LRRFIP2: variants seen among roughly 807,000 people sequenced by gnomAD.
LRRFIP2 encodes LRR binding FLII interacting protein 2.
A neutral mutation model predicts 125.9 loss-of-function variants in LRRFIP2; 109 were observed. The ratio of observed to expected loss-of-function variants is 0.87; its 90% CI spans 0.74 to 1.01. The LOEUF is 1.01. Among genes scored for constraint, LRRFIP2 ranks in the 50% least tolerant of loss-of-function variants. LRRFIP2 has a pLI of 0.00. For missense variants in LRRFIP2, 850 were observed against 862.3 expected (o/e 0.99, Z 0.18); for synonymous variants, 291 against 293.1 (o/e 0.99, Z 0.07).
intron 6 of LRRFIP2, 45 bp downstream of exon 6, chr3:37,121,447 C>G: frequency 1.3e-6 from 2 of 1,571,508 alleles, no homozygotes; most frequent in South Asian, 1.1e-5. Flanking sequence ...TTGAAGAAAG[C>G]TCACACGTAA....
Position 37,121,687 on chromosome 3 carries a change from T to A in LRRFIP2, c.233A>T (p.Asp78Val). The change falls in exon 5 of 28, where the codon GAT becomes GTT. Residue 78 changes from aspartate to valine, a missense_variant. Physicochemically the swap from Asp to Val is radical, Grantham distance 152. Transcript: ENST00000336686. ...GTGGGAATACCTGGCCCTTTCCGAA[T>A]CTTCCTGGGAAAGGAGAAAGTACAT... ...KWGQIQKWLEDSERARYSHRS... is the reference protein window; with the variant it reads ...KWGQIQKWLEVSERARYSHRS... The A allele has an allele frequency of 1.9e-6, 3 of 1,614,000 alleles. No homozygotes were observed. The highest frequency in any genetic ancestry group is 2.5e-6 in the Non-Finnish European group (3 of 1,179,934).
In LRRFIP2 at chr3:37,091,483, C is replaced by A; in HGVS notation, c.1091G>T (p.Gly364Val). Residue 364 changes from glycine (G) to valine (V), a missense_variant, in exon 18 of 28, where the codon GGG becomes GTG. Gly to Val is a moderately radical substitution (Grantham distance 109). Coordinates refer to ENST00000336686, the MANE Select transcript of LRRFIP2 (RefSeq NM_006309.4). ...CCCTGATACCTTTAGTTCTTTAAGC[C>A]CCTGCATGTATCTCCCTTCTACATC... is the stretch of plus-strand genomic sequence containing the variant. Reference protein sequence around the residue: ...IQDVEGRYMQGLKELKESLSE... With the variant: ...IQDVEGRYMQVLKELKESLSE... 1 of 1,611,854 alleles carries A rather than the reference C, an allele frequency of 6.2e-7. No homozygotes were observed. The highest frequency in any genetic ancestry group is 8.5e-7 in the Non-Finnish European group (1 of 1,178,964).
At chr3:37,067,684 G>A (rs996910060) in intron 21 of LRRFIP2, 1 of 152,112 alleles carries the variant, frequency 6.6e-6, no homozygotes, top group Non-Finnish European at 1.5e-5. Context: ...TATATGGCAG[G>A]CACTATTTTA....
intron 6 of LRRFIP2, among the ~76,000 whole-genome samples, chr3:37,120,377 T>C (rs1201973180): frequency 6.6e-6 from 1 of 152,164 alleles, no homozygotes; most frequent in African/African-American, 2.4e-5. Context: ...CGTGCTGGGA[T>C]TACAGGTGTG....
intron 18 of LRRFIP2, among the ~76,000 whole-genome samples, chr3:37,085,104 G>A (rs982091261): frequency 6.6e-6 from 1 of 152,150 alleles, no homozygotes; most frequent in Non-Finnish European, 1.5e-5. Context: ...AATTAACTCA[G>A]CATAAGCCAT....
intron 19 of LRRFIP2, among the ~76,000 whole-genome samples, chr3:37,081,820 G>A (rs2149027802): frequency 6.7e-6 from 1 of 149,900 alleles, no homozygotes; most frequent in Admixed American, 6.7e-5. Context: ...CCTGGAGACA[G>A]AGGCTGCAGT....
upstream of LRRFIP2, among the ~76,000 whole-genome samples, chr3:37,175,563 C>T (rs892507398): frequency 6.6e-6 from 1 of 152,144 alleles, no homozygotes; most frequent in African/African-American, 2.4e-5. Context: ...GTGTCAATAA[C>T]GCCTCGTATT....
chr3:37,148,513 G>A (rs2095918348), intron 2 of LRRFIP2, among the ~76,000 whole-genome samples: 1 of 152,178 alleles, frequency 6.6e-6, no homozygotes, highest in Admixed American at 6.5e-5. Context: ...ATCAGAGCAT[G>A]CCAGCTCCCA....
At chr3:37,167,196 CCAAAA>C (rs1224579698) in intron 1 of LRRFIP2, among the ~76,000 whole-genome samples, 9 of 55,832 alleles carry the variant, frequency 1.6e-4, no homozygotes, top group South Asian at 3.9e-4. Flanking sequence ...AATCTTGTCT[CCAAAA>C]AAAAAAAAAA....
chr3:37,132,136 G>GTT (rs575489212), intron 2 of LRRFIP2, among the ~76,000 whole-genome samples: 1 of 144,948 alleles, frequency 6.9e-6, no homozygotes. Context: ...TCTTATTAGA[G>GTT]TTTTTTTTTT....
intron 1 of LRRFIP2, among the ~76,000 whole-genome samples, chr3:37,151,651 G>A (rs1377553167): frequency 6.7e-6 from 1 of 149,444 alleles, no homozygotes; most frequent in Non-Finnish European, 1.5e-5. Context: ...AGGCTAGAGT[G>A]CAGTGGTACA....
chr3:37,129,293 A>T, intron 2 of LRRFIP2, 144 bp from the exon 3 acceptor site: 1 of 659,210 alleles, frequency 1.5e-6, no homozygotes, highest in Non-Finnish European at 2.7e-6. Context: ...AGTTTGATTG[A>T]TTGTTTTAAT....
At chr3:37,134,177 G>C (rs1403276238) in intron 2 of LRRFIP2, among the ~76,000 whole-genome samples, 1 of 119,874 alleles carries the variant, frequency 8.3e-6, no homozygotes, top group African/African-American at 2.9e-5. Flanking sequence ...GCAAGACTCT[G>C]TCTCAAAAAA....
At chr3:37,167,525 G>A (rs570597734) in intron 1 of LRRFIP2, among the ~76,000 whole-genome samples, 11 of 151,246 alleles carry the variant, frequency 7.3e-5, no homozygotes, top group East Asian at 5.9e-4. Context: ...GTGGTGGCGG[G>A]TGCCCATAGT....
intron 12 of LRRFIP2, 57 bp from the exon 13 acceptor site, chr3:37,108,186 G>A (rs1040786210): frequency 2.2e-6 from 3 of 1,366,176 alleles, no homozygotes; most frequent in Non-Finnish European, 3.1e-6. Flanking sequence ...TTATTCTAAT[G>A]AGAATACATT....
rs1196145531 is a variant in LRRFIP2, at chr3:37,060,253, C to A, written c.1750-1343G>T. On this transcript the variant is annotated intron_variant, in intron 24 of 27. Transcript: ENST00000336686. This position sits in a 1 kb window ranked among gnomAD's most constrained non-coding sequence, Gnocchi z 4.1. ...CCCCTTTACCCTCGTGCTCTGATAA[C>A]CCTCTCCTGCTGCTTCTGCAGCTCT... Among the ~76,000 whole-genome samples the A allele has an allele frequency of 6.6e-6, 1 of 152,148 alleles. No individual in the cohort carries two copies. Among genetic ancestry groups the A allele is most frequent in the Non-Finnish European group, 1.5e-5 (1 of 68,014 alleles).
At chr3:37,106,143 C>G (rs1576670590) in intron 13 of LRRFIP2, among the ~76,000 whole-genome samples, 1 of 152,136 alleles carries the variant, frequency 6.6e-6, no homozygotes, top group East Asian at 1.9e-4. Flanking sequence ...AACCTCTGGG[C>G]CCTTTGGGAT....
At chr3:37,064,045 C>T (rs2089494499) in intron 23 of LRRFIP2, 3 of 426,298 alleles carry the variant, frequency 7.0e-6, no homozygotes, top group Non-Finnish European at 1.3e-5. Flanking sequence ...TGATTTGCCA[C>T]TTAAAGACAA....
chr3:37,163,749 C>T (rs1271328290), intron 1 of LRRFIP2, among the ~76,000 whole-genome samples: 1 of 152,052 alleles, frequency 6.6e-6, no homozygotes, highest in African/African-American at 2.4e-5. Flanking sequence ...AAAATTTTGG[C>T]CAAAAATACA....
Sources: gnomAD v4.1 joint callset for allele counts (sites outside exome capture counted in the v4.1 genomes callset) on GRCh38, gnomAD v4.1.1 for gene constraint, Gnocchi (gnomAD v3.1) non-coding constraint, MANE v1.5 for transcripts, NCBI Gene and HGNC (gene_info 2026-07-23, HGNC 2026-07-21) for gene names.